Variants in SDK2 observed in about 807,000 individuals in gnomAD.
SDK2 encodes protein sidekick-2.
Under a neutral mutation model 253.9 loss-of-function variants are expected in SDK2, and 105 were observed. The observed-to-expected ratio is 0.41, with a 90% CI of 0.35 to 0.49. SDK2 has a LOEUF of 0.49. Among genes scored for constraint, SDK2 ranks in the 20% least tolerant of loss-of-function variants. SDK2 has a pLI of 0.06. For missense variants in SDK2, 2,608 were observed against 3,003.0 expected (o/e 0.87, Z 3.07); for synonymous variants, 1,249 against 1,234.9 (o/e 1.01, Z -0.24).
intron 1 of SDK2, among the ~76,000 whole-genome samples, chr17:73,624,257 G>A (rs1181887227): frequency 8.5e-5 from 13 of 152,224 alleles, no homozygotes; most frequent in Admixed American, 8.5e-4. Context: ...ACTTTGGGAG[G>A]CCAAGGCAGG....
chr17:73,447,152 G>A lies in SDK2; in HGVS notation c.613+463C>T, dbSNP rs575294189. ...GTCTTCCCATCAGCAGGGACCACCT[G>A]GCTCCCAATATAGACAGCACTTCTT... On this transcript the variant is annotated intron_variant, in intron 5 of 44. Transcript: ENST00000392650. The surrounding 1 kb of genome is among the most constrained non-coding windows in gnomAD (Gnocchi z 4.0). Among the ~76,000 whole-genome samples the A allele has an allele frequency of 2.6e-5, 4 of 152,124 alleles. No homozygotes were observed. The highest frequency in any genetic ancestry group is 6.5e-5 in the Admixed American group (1 of 15,272).
chr17:73,412,195 CAT>C (rs1390224040), intron 18 of SDK2, among the ~76,000 whole-genome samples: 7 of 148,106 alleles, frequency 4.7e-5, no homozygotes, highest in South Asian at 2.1e-4. Flanking sequence ...CACATACACA[CAT>C]ATACATATAT....
chr17:73,460,331 A>G (rs2063555280), intron 3 of SDK2, among the ~76,000 whole-genome samples: 1 of 152,180 alleles, frequency 6.6e-6, no homozygotes, highest in Non-Finnish European at 1.5e-5. Context: ...AGAGGACTTC[A>G]GCCCCAGCCT....
intron 1 of SDK2, among the ~76,000 whole-genome samples, chr17:73,588,712 C>A (rs968868985): frequency 1.3e-5 from 2 of 152,214 alleles, no homozygotes; most frequent in African/African-American, 4.8e-5. Context: ...ACAGCCTCCC[C>A]TCTAAGAACA....
chr17:73,456,093 G>A (rs977052821), intron 3 of SDK2, 40 bp from the exon 4 acceptor site: 4 of 1,446,834 alleles, frequency 2.8e-6, no homozygotes, highest in Non-Finnish European at 3.7e-6. Context: ...GGGGCGGGAG[G>A]TCAGCCTCAG....
intron 1 of SDK2, among the ~76,000 whole-genome samples, chr17:73,637,040 C>T (rs531798796): frequency 6.6e-6 from 1 of 152,282 alleles, no homozygotes; most frequent in African/African-American, 2.4e-5. Context: ...CAGGTCAGCC[C>T]AATTCTGAGG....
At chr17:73,556,273 T>C (rs114630980) in intron 1 of SDK2, among the ~76,000 whole-genome samples, 2,472 of 152,320 alleles carry the variant, frequency 0.016, 27 homozygotes, top group African/African-American at 0.031. Flanking sequence ...TTTAGTTAAA[T>C]ACAAATAATT....
intron 6 of SDK2, 22 bp downstream of exon 6, chr17:73,440,790 C>T (rs936092345): frequency 1.7e-5 from 25 of 1,512,738 alleles, no homozygotes; most frequent in East Asian, 4.9e-5. Flanking sequence ...GGTGCGGGAG[C>T]GAGGGAAGAT....
Position 73,399,299 on chromosome 17 carries a change from G to A in SDK2, c.2972-10C>T, listed in dbSNP as rs139603654. 553 of 1,613,696 alleles carry A rather than the reference G, an allele frequency of 3.4e-4. 1 individual carries two copies. In the African/African-American group the frequency reaches 6.9e-3, roughly 20 times the overall value. Reference sequence around the variant, plus strand: ...GGGGGCCCTGGGAGTTCTGGAAAAGGAGAACAGGGTGGGGAAGGAGATCCG... The same window carrying A: ...GGGGGCCCTGGGAGTTCTGGAAAAGAAGAACAGGGTGGGGAAGGAGATCCG... On this transcript the variant is annotated splice_polypyrimidine_tract_variant and intron_variant, in intron 21 of 44. Transcript: ENST00000392650.
In SDK2 at chr17:73,380,979, C is replaced by T. The variant is rs752424909; in HGVS notation, c.4706-29G>A. On this transcript the variant is annotated intron_variant, in intron 33 of 44. Transcript: ENST00000392650. ...TGGGGTGGGGGTGCCGGGGCGGGGG[C>T]GCAGAGGGAGACAGCAGACAGAGGA... is the stretch of plus-strand genomic sequence containing the variant. The T allele has an allele frequency of 1.1e-5, 14 of 1,333,154 alleles. No homozygotes were observed. In the South Asian group the frequency reaches 1.5e-4, roughly 14 times the overall value. 82.6% of individuals were successfully genotyped at this position (1,333,154 alleles called of 1,614,324 possible). A position where few individuals can be genotyped will look rare whatever the true frequency, so the allele number is the denominator to read the frequency against.
In SDK2 at chr17:73,486,610, T is replaced by TAA. The variant is rs34896987; in HGVS notation, c.225-14394_225-14393dup. Among the ~76,000 whole-genome samples the TAA allele has an allele frequency of 9.6e-3, 921 of 96,398 alleles. 15 individuals are homozygous for TAA. The highest frequency in any genetic ancestry group is 0.031 in the African/African-American group (750 of 24,440). The allele number at this position is 96,398 out of a possible 152,430, so 63.2% of individuals were successfully genotyped here. A position where few individuals can be genotyped will look rare whatever the true frequency, so the allele number is the denominator to read the frequency against. ...GAGTGACAGAGTGAGACTCTGCTTC[T>TAA]AAAAAAAAAAAAAAAAAAAAAAAGA... On this transcript the variant is annotated intron_variant, in intron 2 of 44. Transcript: ENST00000392650.
chr17:73,418,010 G>GTTTTTTTTTTT (rs397689294), intron 16 of SDK2, among the ~76,000 whole-genome samples: 315 of 128,142 alleles, frequency 2.5e-3, no homozygotes, highest in Middle Eastern at 4.6e-3. Context: ...TCCTAGATGA[G>GTTTTTTTTTTT]TTTTTTTTTT....
intron 12 of SDK2, among the ~76,000 whole-genome samples, chr17:73,427,303 T>G (rs1015887339): frequency 6.6e-6 from 1 of 152,050 alleles, no homozygotes; most frequent in East Asian, 1.9e-4. Context: ...CAATCCAGAG[T>G]GTTGAATATT....
intron 1 of SDK2, among the ~76,000 whole-genome samples, chr17:73,542,816 A>G (rs1164223038): frequency 6.6e-6 from 1 of 152,140 alleles, no homozygotes; most frequent in Non-Finnish European, 1.5e-5. Flanking sequence ...AGAACACAAA[A>G]TATCAAATAT....
At chr17:73,594,787 T>C (rs1413300177) in intron 1 of SDK2, among the ~76,000 whole-genome samples, 1 of 151,270 alleles carries the variant, frequency 6.6e-6, no homozygotes, top group African/African-American at 2.4e-5. Flanking sequence ...ATACAGCACA[T>C]ATCCACACAC....
intron 1 of SDK2, among the ~76,000 whole-genome samples, chr17:73,573,800 C>A (rs2045420282): frequency 6.6e-6 from 1 of 152,234 alleles, no homozygotes; most frequent in South Asian, 2.1e-4. Flanking sequence ...CCAGTCAAAT[C>A]CAGAGTCCAG....
chr17:73,407,214 C>G (rs1408346996), intron 18 of SDK2, among the ~76,000 whole-genome samples: 1 of 152,196 alleles, frequency 6.6e-6, no homozygotes, highest in Non-Finnish European at 1.5e-5. Context: ...ACAAGAGCCC[C>G]TTAAAGAAAT....
intron 1 of SDK2, among the ~76,000 whole-genome samples, chr17:73,615,318 G>A (rs2046040560): frequency 6.6e-6 from 1 of 152,358 alleles, no homozygotes; most frequent in East Asian, 1.9e-4. Flanking sequence ...CACTAGCAGA[G>A]CTGAGTCTAG....
chr17:73,362,936 G>A (rs2062653631), intron 38 of SDK2, among the ~76,000 whole-genome samples: 1 of 152,262 alleles, frequency 6.6e-6, no homozygotes, highest in Non-Finnish European at 1.5e-5. Context: ...ACCCAGTGAT[G>A]GCGCCGGCCC....
Sources: gnomAD v4.1 joint callset for allele counts (sites outside exome capture counted in the v4.1 genomes callset) on GRCh38, gnomAD v4.1.1 for gene constraint, Gnocchi (gnomAD v3.1) non-coding constraint, MANE v1.5 for transcripts, NCBI Gene and HGNC (gene_info 2026-07-23, HGNC 2026-07-21) for gene names.